The following PTPRM variants were observed in gnomAD, a reference collection of about 807,000 sequenced individuals.
The protein encoded by PTPRM is protein tyrosine phosphatase receptor type M, also known as receptor-type tyrosine-protein phosphatase mu.
Under a neutral mutation model 186.7 loss-of-function variants are expected in PTPRM, and 47 were observed. The ratio of observed to expected loss-of-function variants is 0.25; its 90% confidence interval spans 0.20 to 0.32. The LOEUF is 0.32. Ranked by LOEUF, PTPRM falls within the 10% of genes least tolerant of loss-of-function variation. The pLI, the probability that PTPRM is intolerant of heterozygous loss-of-function variation, is 1.00. For synonymous variants in PTPRM, 668 were observed against 674.9 expected (o/e 0.99, Z 0.16); for missense variants, 1,494 against 1,865.0 (o/e 0.80, Z 3.66).
intron 2 of PTPRM, among the ~76,000 whole-genome samples, chr18:7,881,061 T>A (rs1410628207): frequency 2.0e-5 from 3 of 152,188 alleles, no homozygotes; most frequent in African/African-American, 7.2e-5. Context: ...CACTTTTTTT[T>A]AATGAAAGCC....
At chr18:7,725,033 CT>C (rs1371446183) in intron 1 of PTPRM, among the ~76,000 whole-genome samples, 1 of 152,162 alleles carries the variant, frequency 6.6e-6, no homozygotes, top group Non-Finnish European at 1.5e-5. Flanking sequence ...ACTTATTCAA[CT>C]TTCTCCTGAA....
chr18:8,377,401 G>A (rs1368349930), intron 26 of PTPRM: 1 of 151,966 alleles, frequency 6.6e-6, no homozygotes, highest in African/African-American at 2.4e-5. Context: ...CTTAGAAAGG[G>A]GATACTGTGT....
intron 2 of PTPRM, among the ~76,000 whole-genome samples, chr18:7,869,791 C>A (rs763974376): frequency 1.2e-4 from 19 of 152,112 alleles, no homozygotes; most frequent in Non-Finnish European, 2.5e-4. Context: ...TATTCTAATG[C>A]AAGTAATTAT....
chr18:8,012,053 G>T (rs2084563528), intron 7 of PTPRM, among the ~76,000 whole-genome samples: 1 of 152,108 alleles, frequency 6.6e-6, no homozygotes, highest in South Asian at 2.1e-4. Flanking sequence ...TGTGTTTCTG[G>T]TTACTCTCTA....
intron 7 of PTPRM, among the ~76,000 whole-genome samples, chr18:8,021,359 C>T (rs912353499): frequency 2.2e-5 from 3 of 135,594 alleles, no homozygotes. Context: ...CACACACACA[C>T]ATATAAATTT....
At chr18:8,053,325 G>GA (rs2087647677) in intron 7 of PTPRM, among the ~76,000 whole-genome samples, 2 of 152,010 alleles carry the variant, frequency 1.3e-5, no homozygotes, top group Non-Finnish European at 2.9e-5. Context: ...CCTGTAATCA[G>GA]AAAAAATAAT....
chr18:7,654,307 A>G (rs1014588550), intron 1 of PTPRM, among the ~76,000 whole-genome samples: 2 of 151,786 alleles, frequency 1.3e-5, no homozygotes, highest in African/African-American at 4.8e-5. Flanking sequence ...TGTACAGAAG[A>G]TCTTCAGTTT....
Position 8,314,823 on chromosome 18 carries a change from C to T in PTPRM, c.2885C>T (p.Thr962Ile). 1 of 1,610,424 alleles carries T rather than the reference C, an allele frequency of 6.2e-7. No individual in the cohort carries two copies. Among genetic ancestry groups the T allele is most frequent in the Non-Finnish European group, 8.5e-7 (1 of 1,177,120 alleles). ...AGGCTGCAGACAATAGAAGGAGACA[C>T]AAACTCAGACTATATCAATGGCAAT... The part of the protein sequence containing the change: ...RVRLQTIEGD[T>I]NSDYINGNYI... The change falls in exon 21 of 33, where the codon ACA (threonine) becomes ATA (isoleucine). Residue 962 changes from threonine to isoleucine, a missense_variant. Around this residue, in one of 3 missense-constraint regions of PTPRM, gnomAD observed 1,107 missense variants for 1,350.2 expected, o/e 0.82. Coordinates refer to ENST00000580170, the MANE Select transcript of PTPRM (RefSeq NM_001105244.2).
intron 1 of PTPRM, among the ~76,000 whole-genome samples, chr18:7,736,707 G>A (rs963287997): frequency 1.3e-5 from 2 of 152,196 alleles, no homozygotes; most frequent in African/African-American, 4.8e-5. Flanking sequence ...GAACAGGGCA[G>A]GGAGTTTCAC....
In PTPRM at chr18:7,842,947, TAGAGAGAG is replaced by T. The variant is rs1555616950; in HGVS notation, c.197-45133_197-45126del. The stretch of plus-strand genomic sequence containing the variant: ...GTGTGTGTGTATATATATATATATA[TAGAGAGAG>T]AGAGAGAGAGAGAGAGAGAGAGAGA... On this transcript the variant is annotated intron_variant, in intron 2 of 32. Coordinates refer to ENST00000580170, the MANE Select transcript of PTPRM (RefSeq NM_001105244.2). 6.3e-4 allele frequency among the ~76,000 whole-genome samples: 71 copies of T among 112,118 alleles called. 1 individual carries two copies. In the East Asian group the frequency reaches 0.017, roughly 28 times the overall value. The allele number at this position is 112,118 out of a possible 152,430, so 73.6% of individuals were successfully genotyped here. A position where few individuals can be genotyped will look rare whatever the true frequency, so the allele number is the denominator to read the frequency against.
intron 4 of PTPRM, among the ~76,000 whole-genome samples, chr18:7,913,190 A>ATTGATTGTTCATTTC (rs368643272): frequency 6.6e-6 from 1 of 151,930 alleles, no homozygotes; most frequent in Non-Finnish European, 1.5e-5. Flanking sequence ...TTGATCTTGT[A>ATTGATTGTTCATTTC]TCCCGAGATC....
intron 11 of PTPRM, among the ~76,000 whole-genome samples, chr18:8,094,331 C>A (rs182643476): frequency 2.9e-4 from 44 of 151,326 alleles, no homozygotes. Context: ...TGTGATTATG[C>A]ACTCCAACTT....
intron 13 of PTPRM, among the ~76,000 whole-genome samples, chr18:8,137,733 C>T (rs1267817085): frequency 6.6e-6 from 1 of 152,154 alleles, no homozygotes; most frequent in Non-Finnish European, 1.5e-5. Flanking sequence ...TATGTGACTC[C>T]AGAGGCCCCT....
chr18:8,261,875 GAAGTT>G (rs1601530964), intron 19 of PTPRM, among the ~76,000 whole-genome samples: 1 of 152,186 alleles, frequency 6.6e-6, no homozygotes, highest in East Asian at 1.9e-4. Flanking sequence ...TAACCTGAAA[GAAGTT>G]AAGCAATTTT....
chr18:7,613,642 CA>C (rs535608418), intron 1 of PTPRM, among the ~76,000 whole-genome samples: 321 of 151,566 alleles, frequency 2.1e-3, no homozygotes, highest in African/African-American at 7.3e-3. Flanking sequence ...CACTGCACTA[CA>C]GCCTGGGTGA....
chr18:7,992,022 A>G (rs2083292990), intron 7 of PTPRM, among the ~76,000 whole-genome samples: 1 of 152,136 alleles, frequency 6.6e-6, no homozygotes, highest in African/African-American at 2.4e-5. Context: ...AGGTAAAGAA[A>G]GTTAGTCAAA....
chr18:8,003,417 A>G (rs1257176810), intron 7 of PTPRM, among the ~76,000 whole-genome samples: 6 of 152,204 alleles, frequency 3.9e-5, no homozygotes, highest in African/African-American at 7.2e-5. Context: ...TATTAGCAGC[A>G]TGAGAACAGA....
intron 2 of PTPRM, among the ~76,000 whole-genome samples, chr18:7,823,922 G>A (rs1434809479): frequency 6.6e-6 from 1 of 152,118 alleles, no homozygotes; most frequent in African/African-American, 2.4e-5. Flanking sequence ...TCCCTCTAGA[G>A]AACCCTGACT....
intron 2 of PTPRM, among the ~76,000 whole-genome samples, chr18:7,809,933 C>T (rs1377344950): frequency 6.6e-6 from 1 of 152,152 alleles, no homozygotes; most frequent in Non-Finnish European, 1.5e-5. Context: ...TAGGTGTGTT[C>T]CTGTTTCAGG....
Sources: gnomAD v4.1 joint callset for allele counts (sites outside exome capture counted in the v4.1 genomes callset) on GRCh38, gnomAD v4.1.1 for gene constraint, gnomAD v4.1.1 regional missense constraint, MANE v1.5 for transcripts, NCBI Gene and HGNC (gene_info 2026-07-23, HGNC 2026-07-21) for gene names.